Variants in CRYBG1 observed in about 807,000 individuals in gnomAD.
CRYBG1 encodes the protein crystallin beta-gamma domain containing 1, also known as beta/gamma crystallin domain-containing protein 1.
Under a neutral mutation model 189.2 loss-of-function variants are expected in CRYBG1, and 139 were observed. The ratio of observed to expected loss-of-function variants is 0.73; its 90% CI spans 0.64 to 0.85. CRYBG1 has a LOEUF of 0.85. CRYBG1 is among the 40% of genes least tolerant of loss of function. The pLI is 0.00. For missense variants in CRYBG1, 2,611 were observed against 2,675.8 expected, an observed-to-expected ratio of 0.98 and a Z score of 0.53; for synonymous variants, 1,023 against 1,017.1, an observed-to-expected ratio of 1.01 and a Z score of -0.11.
intron 21 of CRYBG1, 69 bp from the exon 22 acceptor site, chr6:106,568,403 G>A (rs1774954401): frequency 8.1e-7 from 1 of 1,229,430 alleles, no homozygotes; most frequent in Non-Finnish European, 1.2e-6. Flanking sequence ...CTGGTGTTAG[G>A]GGAATTGTGT....
rs918275272 is a variant in CRYBG1, at chr6:106,568,666, C to A, written c.*100C>A. Reference sequence around the variant, plus strand: ...GACCAGACTGGAAAGTGGATCGACTCCTCCTTCATTGATTCTAAATTCAAC... The same window carrying A: ...GACCAGACTGGAAAGTGGATCGACTACTCCTTCATTGATTCTAAATTCAAC... On this transcript the variant is annotated 3_prime_UTR_variant, in exon 22 of 22. Coordinates refer to ENST00000633556, the MANE Select transcript of CRYBG1 (RefSeq NM_001371242.2). 1.1e-5 allele frequency: 9 copies of A among 789,052 alleles called. No individual in the cohort carries two copies. The highest frequency in any genetic ancestry group is 1.9e-5 in the Non-Finnish European group (9 of 474,230). The allele number at this position is 789,052 out of a possible 1,614,324, so 48.9% of individuals were successfully genotyped here.
intron 1 of CRYBG1, among the ~76,000 whole-genome samples, chr6:106,374,832 A>G (rs998315038): frequency 1.2e-4 from 18 of 152,216 alleles, no homozygotes; most frequent in African/African-American, 3.9e-4. Flanking sequence ...TAAGTTCTTT[A>G]CTGATATATA....
In CRYBG1 at chr6:106,521,077, G is replaced by T; in HGVS notation, c.3869G>T (p.Gly1290Val). The T allele has an allele frequency of 6.2e-7, 1 of 1,614,142 alleles. No individual in the cohort carries two copies. The highest frequency in any genetic ancestry group is 1.1e-5 in the South Asian group (1 of 91,076). ...QSSVSQPTTE[G>V]APPCGLNKEQ... Reference sequence around the variant, plus strand: ...TCAGTGTCACAGCCCACGACTGAGGGTGCCCCGCCCTGTGGTTTGAACAAA... The same window carrying T: ...TCAGTGTCACAGCCCACGACTGAGGTTGCCCCGCCCTGTGGTTTGAACAAA... Residue 1290 changes from glycine to valine, a missense_variant, in exon 4 of 22, where the codon GGT (glycine) becomes GTT (valine). Physicochemically the swap from Gly to Val is moderately radical, Grantham distance 109. Transcript: ENST00000633556.
intron 2 of CRYBG1, among the ~76,000 whole-genome samples, chr6:106,495,739 G>A (rs2114500330): frequency 6.8e-6 from 1 of 147,166 alleles, no homozygotes; most frequent in East Asian, 2.0e-4. Context: ...AGTTCCATCA[G>A]TCATTCTTAC....
chr6:106,537,393 A>G (rs1774029176), intron 8 of CRYBG1, among the ~76,000 whole-genome samples: 1 of 152,186 alleles, frequency 6.6e-6, no homozygotes, highest in African/African-American at 2.4e-5. Flanking sequence ...TTATTTTGTT[A>G]GAGAACAAAA....
At chr6:106,533,255 C>T (rs962467355) in intron 8 of CRYBG1, among the ~76,000 whole-genome samples, 6 of 152,210 alleles carry the variant, frequency 3.9e-5, no homozygotes, top group African/African-American at 1.4e-4. Flanking sequence ...AGAGAGGAAG[C>T]ACACCATTTG....
chr6:106,565,240 C>G (rs905992488), intron 21 of CRYBG1, among the ~76,000 whole-genome samples: 3 of 151,448 alleles, frequency 2.0e-5, no homozygotes, highest in African/African-American at 7.3e-5. Context: ...AGAATCGCGT[C>G]AACCCGGGAG....
In CRYBG1 at chr6:106,481,200, T is replaced by G. The variant is rs545767895; in HGVS notation, c.312+29368T>G. Reference sequence around the variant, plus strand: ...CGTTTTAGCCGGGATGGTCTCGATCTCTTGACCTCGTGATCCGCCCGCCTC... The same window carrying G: ...CGTTTTAGCCGGGATGGTCTCGATCGCTTGACCTCGTGATCCGCCCGCCTC... On this transcript the variant is annotated intron_variant, in intron 2 of 21. Transcript: ENST00000633556. 2.0e-4 allele frequency among the ~76,000 whole-genome samples: 12 copies of G among 61,466 alleles called. 2 individuals carry two copies. The South Asian group carries it at 4.8e-3, about 25-fold the overall frequency. 40.3% of individuals were successfully genotyped at this position (61,466 alleles called of 152,430 possible). A position where few individuals can be genotyped will look rare whatever the true frequency, so the allele number is the denominator to read the frequency against.
chr6:106,483,466 T>C (rs1312530576), intron 2 of CRYBG1, among the ~76,000 whole-genome samples: 2 of 151,260 alleles, frequency 1.3e-5, no homozygotes, highest in African/African-American at 4.8e-5. Context: ...TTTTGGCTGT[T>C]GTGAATAGTG....
intron 20 of CRYBG1, among the ~76,000 whole-genome samples, chr6:106,563,059 A>T (rs9373878): frequency 0.94 from 143,625 of 152,228 alleles, 68,299 homozygotes; most frequent in East Asian, 1. Flanking sequence ...CCTCCCAAAG[A>T]GTTGGGATTA....
chr6:106,479,020 A>G (rs904065432), intron 2 of CRYBG1, among the ~76,000 whole-genome samples: 3 of 152,234 alleles, frequency 2.0e-5, no homozygotes, highest in African/African-American at 7.2e-5. Context: ...TCTTTCACTT[A>G]GTATAACATT....
rs573544499 is a variant in CRYBG1, at chr6:106,570,775, T to C, written c.*2209T>C. 1.3e-5 allele frequency: 2 copies of C among 152,194 alleles called. No homozygotes were observed. The highest frequency in any genetic ancestry group is 3.9e-4 in the East Asian group (2 of 5,176). 9.4% of individuals were successfully genotyped at this position (152,194 alleles called of 1,614,324 possible). ...AATCAGATTTTTTTTTCTTTTGCAA[T>C]AACTCGGTAGTAAGACCAGACCAAC... On this transcript the variant is annotated 3_prime_UTR_variant, in exon 22 of 22. Coordinates refer to ENST00000633556, the MANE Select transcript of CRYBG1 (RefSeq NM_001371242.2).
intron 2 of CRYBG1, among the ~76,000 whole-genome samples, chr6:106,452,609 T>C (rs1244494647): frequency 6.6e-6 from 1 of 152,208 alleles, no homozygotes; most frequent in Non-Finnish European, 1.5e-5. Context: ...TTCTTTCCTA[T>C]AAAAAGCACT....
At chr6:106,365,884 G>C (rs1278921785) in intron 1 of CRYBG1, among the ~76,000 whole-genome samples, 1 of 151,840 alleles carries the variant, frequency 6.6e-6, no homozygotes, top group African/African-American at 2.4e-5. Context: ...ATCCTCATTG[G>C]GCAGGCAGAG....
intron 17 of CRYBG1, among the ~76,000 whole-genome samples, chr6:106,556,772 G>A (rs908684679): frequency 1.3e-5 from 2 of 152,176 alleles, no homozygotes; most frequent in Non-Finnish European, 2.9e-5. Context: ...TATGTGAGTT[G>A]GTTTTCATCT....
chr6:106,542,608 C>CATTTTATTTTATTTTATTTTATTTT (rs56795208), intron 10 of CRYBG1, among the ~76,000 whole-genome samples: 1 of 126,652 alleles, frequency 7.9e-6, no homozygotes, highest in African/African-American at 2.9e-5. Flanking sequence ...ATGATTAGAA[C>CATTTTATTTTATTTTATTTTATTTT]ATTTTATTTT....
At chr6:106,499,895 T>C (rs1167282819) in intron 2 of CRYBG1, among the ~76,000 whole-genome samples, 1 of 152,200 alleles carries the variant, frequency 6.6e-6, no homozygotes, top group East Asian at 1.9e-4. Flanking sequence ...TTTAAGAATC[T>C]AAATATAAGT....
chr6:106,367,732 G>A (rs1240616047), intron 1 of CRYBG1, among the ~76,000 whole-genome samples: 1 of 151,446 alleles, frequency 6.6e-6, no homozygotes, highest in East Asian at 1.9e-4. Context: ...GGGATGCTGA[G>A]ACAGGAGGAT....
rs530436193 is a variant in CRYBG1, at chr6:106,539,801, A to C, written c.4845+272A>C. 1.1e-4 allele frequency among the ~76,000 whole-genome samples: 16 copies of C among 152,274 alleles called. No homozygotes were observed. In the South Asian group the frequency reaches 3.3e-3, roughly 32 times the overall value. Reference sequence around the variant, plus strand: ...AGATGGGTGCGCAAAGCTTCAGCGCAGTGTAGGTTTAACAAGTGAGGAAAG... The same window carrying C: ...AGATGGGTGCGCAAAGCTTCAGCGCCGTGTAGGTTTAACAAGTGAGGAAAG... On this transcript the variant is annotated intron_variant, in intron 9 of 21. Transcript: ENST00000633556.
Sources: gnomAD v4.1 joint callset for allele counts (sites outside exome capture counted in the v4.1 genomes callset) on GRCh38, gnomAD v4.1.1 for gene constraint, MANE v1.5 for transcripts, NCBI Gene and HGNC (gene_info 2026-07-23, HGNC 2026-07-21) for gene names.